The following ACOT11 variants were observed in gnomAD, a reference collection of about 807,000 sequenced individuals.
The protein encoded by ACOT11 is acyl-coenzyme A thioesterase 11.
In ACOT11, 69 loss-of-function variants were observed where a neutral mutation model predicts 77.5. The observed-to-expected ratio is 0.89, with a 90% CI of 0.73 to 1.09. The LOEUF (loss-of-function observed/expected upper bound fraction) is 1.09, where lower values mean the gene tolerates loss of function less well. Among genes scored for constraint, ACOT11 ranks in the 50% least tolerant of loss-of-function variants. The pLI is 0.00. For missense variants in ACOT11, 766 were observed against 813.7 expected, an observed-to-expected ratio of 0.94 and a Z score of 0.71; for synonymous variants, 279 against 313.0, an observed-to-expected ratio of 0.89 and a Z score of 1.15.
intron 13 of ACOT11, among the ~76,000 whole-genome samples, 160 bp from the exon 14 acceptor site, chr1:54,606,974 C>G (rs1433000808): frequency 6.6e-6 from 1 of 152,254 alleles, no homozygotes; most frequent in Admixed American, 6.5e-5. Flanking sequence ...CTTGGCTGGG[C>G]TTTGCTGCCT....
chr1:54,572,135 CCT>C (rs930559232), intron 1 of ACOT11, among the ~76,000 whole-genome samples: 2 of 151,952 alleles, frequency 1.3e-5, no homozygotes, highest in East Asian at 3.9e-4. Context: ...TCCCTGCCAG[CCT>C]CTGTTTTTCT....
chr1:54,610,154 C>T lies in ACOT11; in HGVS notation c.*1042C>T. 1 of 1,433,324 alleles carries T rather than the reference C, an allele frequency of 7.0e-7. No homozygotes were observed. The highest frequency in any genetic ancestry group is 9.1e-7 in the Non-Finnish European group (1 of 1,099,430). 88.8% of individuals were successfully genotyped at this position (1,433,324 alleles called of 1,614,324 possible). On this transcript the variant is annotated 3_prime_UTR_variant, in exon 16 of 16. Coordinates refer to ENST00000343744, the MANE Select transcript of ACOT11 (RefSeq NM_147161.4). The stretch of plus-strand genomic sequence containing the variant: ...TCTTGTTTCAGCTCTTGGCCTTTAC[C>T]CATGACTCAGCCTGGGGGCTGGTGC...
chr1:54,617,625 T>G (rs1195570013), intron 15 of ACOT11, among the ~76,000 whole-genome samples: 3 of 150,180 alleles, frequency 2.0e-5, no homozygotes, highest in African/African-American at 7.3e-5. Context: ...GGCACCCAGC[T>G]TCTCCAACTT....
At chr1:54,610,756 C>T (rs1214918597), downstream of ACOT11, 47 of 983,666 alleles carry the variant, frequency 4.8e-5, no homozygotes, top group South Asian at 6.1e-4. Context: ...GCAAAGTTGC[C>T]AGGAGTGGAA....
Position 54,609,391 on chromosome 1 carries a change from C to T in ACOT11, c.*279C>T, listed in dbSNP as rs1569775759. The T allele has an allele frequency of 1.9e-6, 3 of 1,614,138 alleles. No individual in the cohort carries two copies. The highest frequency in any genetic ancestry group is 2.5e-6 in the Non-Finnish European group (3 of 1,180,040). ...CTGTCCTCACAGAGGCATAGTCGCC[C>T]CCAGCTGGGTTGTGCTCCACTGTGA... On this transcript the variant is annotated 3_prime_UTR_variant, in exon 16 of 16. Coordinates refer to ENST00000343744, the MANE Select transcript of ACOT11 (RefSeq NM_147161.4).
intron 16 of ACOT11, chr1:54,630,897 A>T: frequency 1.4e-6 from 1 of 719,210 alleles, no homozygotes; most frequent in Non-Finnish European, 2.6e-6. Context: ...GTGAGTAAGA[A>T]GGGGAGTCCG....
At chr1:54,637,784 C>A (rs1242878019) in exon 17 of ACOT11, 1 of 151,594 alleles carries the variant, frequency 6.6e-6, no homozygotes, top group Admixed American at 6.6e-5. Context: ...GAGACTCTGC[C>A]TCAAAAAAAG....
intron 16 of ACOT11, among the ~76,000 whole-genome samples, chr1:54,633,577 T>C (rs1193511425): frequency 6.6e-5 from 10 of 152,236 alleles, no homozygotes; most frequent in Admixed American, 4.6e-4. Context: ...AGTGTTATCA[T>C]TGAAAAGTGT....
rs538482705 is a variant in ACOT11, at chr1:54,559,171, C to T, written c.33+10829C>T. Among the ~76,000 whole-genome samples the T allele has an allele frequency of 1.2e-4, 19 of 152,352 alleles. No individual in the cohort carries two copies. The East Asian group carries it at 3.1e-3, about 25-fold the overall frequency. On this transcript the variant is annotated intron_variant, in intron 1 of 15. Coordinates refer to ENST00000343744, the MANE Select transcript of ACOT11 (RefSeq NM_147161.4). Reference sequence around the variant, plus strand: ...CGTTTCCAGCCCTTGTCTTGGCTAGCGGGGCATCTGGAACTTCCGTGCACC... The same window carrying T: ...CGTTTCCAGCCCTTGTCTTGGCTAGTGGGGCATCTGGAACTTCCGTGCACC...
chr1:54,574,426 C>T (rs1654031855), intron 1 of ACOT11, among the ~76,000 whole-genome samples: 1 of 152,216 alleles, frequency 6.6e-6, no homozygotes, highest in Non-Finnish European at 1.5e-5. Context: ...GCGGCTCAGG[C>T]TTGCCCACGC....
At chr1:54,626,102 A>G (rs1296674891) in intron 15 of ACOT11, among the ~76,000 whole-genome samples, 1 of 151,522 alleles carries the variant, frequency 6.6e-6, no homozygotes, top group East Asian at 1.9e-4. Context: ...TTCTACTAAA[A>G]TACAAAAATT....
intron 1 of ACOT11, among the ~76,000 whole-genome samples, chr1:54,566,150 G>A (rs987000752): frequency 6.6e-6 from 1 of 152,024 alleles, no homozygotes; most frequent in South Asian, 2.1e-4. Flanking sequence ...TCCTCCCCAC[G>A]TGACTTCTAA....
intron 1 of ACOT11, 41 bp downstream of exon 1, chr1:54,548,383 C>CTGGGCACCCAGAAAGA: frequency 6.3e-7 from 1 of 1,584,344 alleles, no homozygotes. Flanking sequence ...GCTCTGGAAG[C>CTGGGCACCCAGAAAGA]TGGGCACCCA....
chr1:54,622,239 G>A (rs1393409436), intron 15 of ACOT11, among the ~76,000 whole-genome samples: 1 of 132,552 alleles, frequency 7.5e-6, no homozygotes, highest in South Asian at 2.6e-4. Context: ...TCATGTCACC[G>A]CACTCTAGGC....
intron 1 of ACOT11, among the ~76,000 whole-genome samples, chr1:54,549,708 C>T (rs951638490): frequency 1.3e-5 from 2 of 152,178 alleles, no homozygotes; most frequent in East Asian, 1.9e-4. Context: ...AGCACGGGGA[C>T]GGGTGTGGCC....
intron 6 of ACOT11, among the ~76,000 whole-genome samples, chr1:54,595,796 T>C (rs952031356): frequency 2.6e-5 from 4 of 152,194 alleles, no homozygotes; most frequent in Admixed American, 2.6e-4. Flanking sequence ...AAGGGAGACC[T>C]TGGACTTGTT....
At position 54,577,773 on chromosome 1, in the gene ACOT11, C is replaced by T. The variant is rs544545344; in HGVS notation, c.34-6882C>T. 2.9e-4 allele frequency among the ~76,000 whole-genome samples: 44 copies of T among 152,316 alleles called. 1 individual carries two copies. The South Asian group carries it at 9.1e-3, about 32-fold the overall frequency. On this transcript the variant is annotated intron_variant, in intron 1 of 15. Coordinates refer to ENST00000343744, the MANE Select transcript of ACOT11 (RefSeq NM_147161.4). ...TGGCGACTCAACCATTTTACATTCCCACCAGTAATGTACACAGGTCCCGTG... is the reference window on the plus strand; with the variant it reads ...TGGCGACTCAACCATTTTACATTCCTACCAGTAATGTACACAGGTCCCGTG...
At chr1:54,551,152 A>G (rs1202437811) in intron 1 of ACOT11, among the ~76,000 whole-genome samples, 2 of 151,692 alleles carry the variant, frequency 1.3e-5, no homozygotes, top group African/African-American at 4.8e-5. Context: ...AAAAAAAAGA[A>G]AAAAAACCAG....
chr1:54,609,675 T>C lies in ACOT11; in HGVS notation c.*563T>C. On this transcript the variant is annotated 3_prime_UTR_variant, in exon 16 of 16. Coordinates refer to ENST00000343744, the MANE Select transcript of ACOT11 (RefSeq NM_147161.4). ...GCCACATGGCCGGGGACCGAAAAAC[T>C]CCCGTGGGAGATTTTGGCCCCAACC... is the stretch of plus-strand genomic sequence containing the variant. The C allele has an allele frequency of 6.2e-7, 1 of 1,613,876 alleles. No homozygotes were observed. Among genetic ancestry groups the C allele is most frequent in the Non-Finnish European group, 8.5e-7 (1 of 1,180,000 alleles).
Sources: allele counts gnomAD v4.1 joint callset (sites outside exome capture counted in the v4.1 genomes callset), GRCh38; gene constraint gnomAD v4.1.1; transcripts MANE v1.5; gene names NCBI Gene and HGNC (gene_info 2026-07-23, HGNC 2026-07-21).